FSTL4: variants seen among roughly 807,000 people sequenced by gnomAD.
FSTL4 encodes follistatin like 4.
FSTL4 carries 28 observed loss-of-function variants against 78.2 expected under a neutral mutation model. That is an observed-to-expected ratio of 0.36 (90% CI 0.27 to 0.49). FSTL4 has a LOEUF of 0.49. Ranked by LOEUF, FSTL4 falls within the 20% of genes least tolerant of loss-of-function variation. The probability of loss-of-function intolerance (pLI) is 0.98; values close to 1 mark genes in which losing one functional copy is unlikely to be tolerated. For missense variants in FSTL4, 922 were observed against 1,084.9 expected (o/e 0.85, Z 2.11); for synonymous variants, 422 against 440.5 (o/e 0.96, Z 0.53).
chr5:133,495,942 G>A lies in FSTL4; in HGVS notation c.160+71244C>T, dbSNP rs186135814. ...CACTGAAGTAAGTAAGAGCATAAAC[G>A]CAGGGACAGTGGCCTCAGCATGGGT... On this transcript the variant is annotated intron_variant, in intron 3 of 15. Transcript: ENST00000265342. Among the ~76,000 whole-genome samples, 127 of 152,278 alleles carry A rather than the reference G, an allele frequency of 8.3e-4. 1 individual carries two copies. Among genetic ancestry groups the A allele is most frequent in the African/African-American group, 2.9e-3 (122 of 41,542 alleles).
At chr5:133,823,435 CT>C in the FSTL4 span, among the ~76,000 whole-genome samples, 1 of 152,132 alleles carries the variant, frequency 6.6e-6, no homozygotes, top group Non-Finnish European at 1.5e-5. Context: ...TTTGGGCCCC[CT>C]TGGACAGAGG....
At chr5:133,781,413 C>T in the FSTL4 span, among the ~76,000 whole-genome samples, 94 of 128,154 alleles carry the variant, frequency 7.3e-4, no homozygotes, top group African/African-American at 2.9e-3. Context: ...GTGTGTGTGG[C>T]GTGTATGTGT....
intron 4 of FSTL4, among the ~76,000 whole-genome samples, chr5:133,357,621 A>G (rs772920986): frequency 2.0e-5 from 3 of 152,150 alleles, no homozygotes; most frequent in Non-Finnish European, 4.4e-5. Context: ...AACCGTGAGA[A>G]CGGCCATTTG....
chr5:133,823,773 C>T, the FSTL4 span, among the ~76,000 whole-genome samples: 1 of 152,106 alleles, frequency 6.6e-6, no homozygotes, highest in Non-Finnish European at 1.5e-5. Context: ...GGTCAGCATA[C>T]CCTGGAACTG....
At chr5:133,646,162 T>C in the FSTL4 span, among the ~76,000 whole-genome samples, 14 of 152,180 alleles carry the variant, frequency 9.2e-5, no homozygotes, top group African/African-American at 3.4e-4. Flanking sequence ...TAGAGAAAAA[T>C]GCAAGAGACC....
chr5:133,242,299 G>A (rs1036719548), intron 7 of FSTL4, among the ~76,000 whole-genome samples: 1 of 152,168 alleles, frequency 6.6e-6, no homozygotes, highest in Non-Finnish European at 1.5e-5. Flanking sequence ...GAGTGCCTTG[G>A]AGGGGTAGGC....
the FSTL4 span, among the ~76,000 whole-genome samples, chr5:133,635,516 C>A: frequency 6.6e-6 from 1 of 152,074 alleles, no homozygotes; most frequent in Non-Finnish European, 1.5e-5. Flanking sequence ...GTAATCCCAG[C>A]ACGTTGGGAG....
At chr5:133,521,125 C>T (rs1561455238) in intron 3 of FSTL4, among the ~76,000 whole-genome samples, 1 of 152,170 alleles carries the variant, frequency 6.6e-6, no homozygotes, top group Non-Finnish European at 1.5e-5. Context: ...ACCCCAGCCC[C>T]ACTCTTAGGG....
the FSTL4 span, among the ~76,000 whole-genome samples, chr5:133,686,904 C>T: frequency 2.6e-5 from 4 of 152,184 alleles, no homozygotes; most frequent in Non-Finnish European, 5.9e-5. Context: ...TGGGGAGCAG[C>T]CAGGCATGGA....
chr5:133,416,494 T>C (rs1277792632), intron 3 of FSTL4, among the ~76,000 whole-genome samples: 1 of 152,242 alleles, frequency 6.6e-6, no homozygotes, highest in Non-Finnish European at 1.5e-5. Flanking sequence ...GATATTTACA[T>C]AGTCTCAAAG....
chr5:133,308,536 G>A (rs988289284), intron 6 of FSTL4, among the ~76,000 whole-genome samples: 1 of 152,172 alleles, frequency 6.6e-6, no homozygotes, highest in African/African-American at 2.4e-5. Flanking sequence ...AACACAAGGT[G>A]GGTGTGAGGA....
intron 6 of FSTL4, among the ~76,000 whole-genome samples, chr5:133,284,098 G>C (rs1357558477): frequency 6.6e-6 from 1 of 152,168 alleles, no homozygotes. Flanking sequence ...TTTGGGTGGG[G>C]ACATGGAACC....
chr5:133,694,451 G>A, the FSTL4 span, among the ~76,000 whole-genome samples: 3 of 152,246 alleles, frequency 2.0e-5, no homozygotes, highest in Non-Finnish European at 4.4e-5. Context: ...TGCGCTATGT[G>A]CCAAGCACTT....
chr5:133,839,970 G>A, the FSTL4 span, among the ~76,000 whole-genome samples: 1 of 152,182 alleles, frequency 6.6e-6, no homozygotes, highest in Non-Finnish European at 1.5e-5. Context: ...TGACAGCCTC[G>A]ATCAATGCCC....
chr5:133,821,140 T>C, the FSTL4 span, among the ~76,000 whole-genome samples: 99 of 152,360 alleles, frequency 6.5e-4, no homozygotes, highest in African/African-American at 2.3e-3. Flanking sequence ...AATTATTAAA[T>C]TGTAAAAATA....
chr5:133,780,133 C>A, the FSTL4 span, among the ~76,000 whole-genome samples: 23 of 152,174 alleles, frequency 1.5e-4, no homozygotes, highest in African/African-American at 5.6e-4. Flanking sequence ...TGAAAATTCC[C>A]AGCTACCTCC....
intron 13 of FSTL4, among the ~76,000 whole-genome samples, chr5:133,210,610 A>T (rs548063060): frequency 6.6e-6 from 1 of 152,068 alleles, no homozygotes; most frequent in Admixed American, 6.5e-5. Flanking sequence ...CTCCTGCCTC[A>T]GCCTCCCGAG....
intron 4 of FSTL4, among the ~76,000 whole-genome samples, chr5:133,377,896 AT>A (rs539806251): frequency 0.024 from 3,590 of 148,496 alleles, 134 homozygotes; most frequent in African/African-American, 0.081. Flanking sequence ...AGCAGCAACA[AT>A]TTTTTTTTTT....
chr5:133,332,720 C>G (rs1754376459), intron 4 of FSTL4, among the ~76,000 whole-genome samples: 1 of 151,972 alleles, frequency 6.6e-6, no homozygotes, highest in Non-Finnish European at 1.5e-5. Context: ...GAGAAATCAT[C>G]TGGTAAGTGA....
Sources: allele counts gnomAD v4.1 joint callset (sites outside exome capture counted in the v4.1 genomes callset), GRCh38; gene constraint gnomAD v4.1.1; transcripts MANE v1.5; gene names NCBI Gene and HGNC (gene_info 2026-07-23, HGNC 2026-07-21).